The following NKX6-2 variants were observed in gnomAD, a reference collection of about 807,000 sequenced individuals.
The protein encoded by NKX6-2 is NK6 homeobox 2, also known as homeobox protein Nkx-6.2.
NKX6-2 carries 22 observed loss-of-function variants against 19.9 expected under a neutral mutation model. The ratio of observed to expected loss-of-function variants is 1.10; its 90% CI spans 0.79 to 1.58. NKX6-2 has a LOEUF of 1.58. Among genes scored for constraint, NKX6-2 ranks in the 40% most tolerant of loss-of-function variants. NKX6-2 has a pLI of 0.00. For missense variants in NKX6-2, 475 were observed against 410.6 expected, an observed-to-expected ratio of 1.16 and a Z score of -1.35; for synonymous variants, 257 against 204.0, an observed-to-expected ratio of 1.26 and a Z score of -2.21.
Position 132,784,397 on chromosome 10 carries a change from C to T in NKX6-2, c.*519G>A, listed in dbSNP as rs1365070787. ...AATCAGAGCGAAGCCCTCGGCCAAG[C>T]GGGAACGGGTGCCCGGTGGCAACGA... On this transcript the variant is annotated 3_prime_UTR_variant, in exon 3 of 3. Transcript: ENST00000368592. 1.3e-5 allele frequency: 2 copies of T among 153,762 alleles called. No individual in the cohort carries two copies. The highest frequency in any genetic ancestry group is 2.4e-5 in the African/African-American group (1 of 41,512). The allele number at this position is 153,762 out of a possible 1,614,324, so 9.5% of individuals were successfully genotyped here.
In NKX6-2 at chr10:132,785,839, G is replaced by A; in HGVS notation, c.110C>T (p.Pro37Leu). ...TSLFPYALQG[P>L]AGFKAPALGG... ...CAGCGCGGGCGCCTTGAAGCCGGCC[G>A]GACCCTGCAGCGCGTAGGGGAACAG... is the stretch of plus-strand genomic sequence containing the variant. Residue 37 changes from proline to leucine, a missense_variant, in exon 1 of 3, where the codon CCG (proline) becomes CTG (leucine). Coordinates refer to ENST00000368592, the MANE Select transcript of NKX6-2 (RefSeq NM_177400.3). The surrounding 1 kb of genome is among the most constrained non-coding windows in gnomAD (Gnocchi z 5.5). The A allele has an allele frequency of 3.6e-6, 5 of 1,382,864 alleles. No individual in the cohort carries two copies. Among genetic ancestry groups the A allele is most frequent in the Admixed American group, 2.7e-5 (1 of 36,736 alleles). The allele number at this position is 1,382,864 out of a possible 1,614,324, so 85.7% of individuals were successfully genotyped here.
At position 132,784,961 on chromosome 10, in the gene NKX6-2, C is replaced by A; in HGVS notation, c.789G>T (p.Leu263Phe). 3.7e-6 allele frequency: 6 copies of A among 1,612,808 alleles called. No individual in the cohort carries two copies. In the South Asian group the frequency reaches 6.6e-5, roughly 18 times the overall value. The change falls in exon 3 of 3, where the codon TTG becomes TTT. Residue 263 changes from leucine (L) to phenylalanine (F), a missense_variant. Transcript: ENST00000368592. ...RLLKKHKPSN[L>F]ALVSPCGGGA... ...CGCCGCCGCACGGGCTGACCAGCGC[C>A]AAGTTCGAGGGTTTGTGCTTCTTGA...
rs935102305 is a variant in NKX6-2, at chr10:132,784,546, G to A, written c.*370C>T. The A allele has an allele frequency of 2.8e-4, 53 of 188,612 alleles. No homozygotes were observed. The highest frequency in any genetic ancestry group is 4.9e-4 in the African/African-American group (21 of 42,842). 11.7% of individuals were successfully genotyped at this position (188,612 alleles called of 1,614,324 possible). A position where few individuals can be genotyped will look rare whatever the true frequency, so the allele number is the denominator to read the frequency against. On this transcript the variant is annotated 3_prime_UTR_variant, in exon 3 of 3. Coordinates refer to ENST00000368592, the MANE Select transcript of NKX6-2 (RefSeq NM_177400.3). ...GCGTCCGAATCCGCCCCGAGGCGAG[G>A]CGGGCCGGGCCGTACCTGCTGCTCC...
In NKX6-2 at chr10:132,784,709, C is replaced by A. The variant is rs1365079443; in HGVS notation, c.*207G>T. On this transcript the variant is annotated 3_prime_UTR_variant, in exon 3 of 3. Coordinates refer to ENST00000368592, the MANE Select transcript of NKX6-2 (RefSeq NM_177400.3). ...CTCCGCACCGGGAACCCGGAGGACC[C>A]GAGGCGGGCGCAGGGGCGAAGCCGG... 2 of 551,952 alleles carry A rather than the reference C, an allele frequency of 3.6e-6. No individual in the cohort carries two copies. The highest frequency in any genetic ancestry group is 6.3e-6 in the Non-Finnish European group (2 of 319,726). The allele number at this position is 551,952 out of a possible 1,614,324, so 34.2% of individuals were successfully genotyped here.
chr10:132,785,539 T>G lies in NKX6-2; in HGVS notation c.406+4A>C. On this transcript the variant is annotated splice_donor_region_variant and intron_variant, in intron 1 of 2. Coordinates refer to ENST00000368592, the MANE Select transcript of NKX6-2 (RefSeq NM_177400.3). The surrounding 1 kb of genome is among the most constrained non-coding windows in gnomAD (Gnocchi z 5.5). ...GCCCCGCACCCCCCGCGCGGGCCAC[T>G]CACCCGGGCCAGCCAGACGCGGGTC... 1 of 1,352,908 alleles carries G rather than the reference T, an allele frequency of 7.4e-7. No individual in the cohort carries two copies. The highest frequency in any genetic ancestry group is 9.5e-7 in the Non-Finnish European group (1 of 1,056,252). 83.8% of individuals were successfully genotyped at this position (1,352,908 alleles called of 1,614,324 possible). A position where few individuals can be genotyped will look rare whatever the true frequency, so the allele number is the denominator to read the frequency against.
At position 132,783,903 on chromosome 10, in the gene NKX6-2, C is replaced by T. The variant is rs184749512; in HGVS notation, c.*1013G>A. ...TTTCCCTTTAACGCTTCCGCAAATG[C>T]CAAGAGAAATCGTACCACCGCAGTG... On this transcript the variant is annotated 3_prime_UTR_variant, in exon 3 of 3. Transcript: ENST00000368592. 6.6e-6 allele frequency: 1 copy of T among 152,360 alleles called. No homozygotes were observed. The highest frequency in any genetic ancestry group is 1.5e-5 in the Non-Finnish European group (1 of 68,036). The allele number at this position is 152,360 out of a possible 1,614,324, so 9.4% of individuals were successfully genotyped here. A position where few individuals can be genotyped will look rare whatever the true frequency, so the allele number is the denominator to read the frequency against.
Position 132,785,771 on chromosome 10 carries a change from T to A in NKX6-2, c.178A>T (p.Ile60Phe). Residue 60 changes from isoleucine (I) to phenylalanine (F), a missense_variant, in exon 1 of 3, where the codon ATC becomes TTC. Physicochemically the swap from Ile to Phe is conservative, Grantham distance 21 (BLOSUM62 0). Coordinates refer to ENST00000368592, the MANE Select transcript of NKX6-2 (RefSeq NM_177400.3). The surrounding 1 kb of genome is among the most constrained non-coding windows in gnomAD (Gnocchi z 5.5). ...ACGGGCCGGCCCAGGATGTCGCTGA[T>A]GCCGTGCGGGGTCCCGAGCGGGAGC... The part of the protein sequence containing the change: ...AQLPLGTPHG[I>F]SDILGRPVGA... The A allele has an allele frequency of 7.7e-7, 1 of 1,295,314 alleles. No homozygotes were observed. Among genetic ancestry groups the A allele is most frequent in the Non-Finnish European group, 9.8e-7 (1 of 1,022,516 alleles). 80.2% of individuals were successfully genotyped at this position (1,295,314 alleles called of 1,614,324 possible). A position where few individuals can be genotyped will look rare whatever the true frequency, so the allele number is the denominator to read the frequency against.
rs769936637 is a variant in NKX6-2, at chr10:132,785,893, A to G, written c.56T>C (p.Leu19Pro). Residue 19 changes from leucine to proline, a missense_variant, in exon 1 of 3, where the codon CTG (leucine) becomes CCG (proline). Physicochemically the swap from Leu to Pro is moderately conservative, Grantham distance 98 (BLOSUM62 -3). Transcript: ENST00000368592. The surrounding 1 kb of genome is among the most constrained non-coding windows in gnomAD (Gnocchi z 5.5). ...FVLSSAPLAA[L>P]HNMAEMKTSL... is the part of the protein sequence containing the mutation. ...CGTCTTCATCTCGGCCATGTTGTGC[A>G]GCGCGGCCAGCGGGGCACTGCTCAG... 3 of 1,386,540 alleles carry G rather than the reference A, an allele frequency of 2.2e-6. No homozygotes were observed. The South Asian group carries it at 4.2e-5, about 20-fold the overall frequency. 85.9% of individuals were successfully genotyped at this position (1,386,540 alleles called of 1,614,324 possible). A position where few individuals can be genotyped will look rare whatever the true frequency, so the allele number is the denominator to read the frequency against.
rs908994251 is a variant in NKX6-2, at chr10:132,785,616, C to T, written c.333G>A (p.Pro111=). Reference sequence around the variant, plus strand: ...CGGGCCAGAAGATGGGCGGGCGCCCCGGCAGCTCGGCCAGGGGCTTGGGGT... The same window carrying T: ...CGGGCCAGAAGATGGGCGGGCGCCCTGGCAGCTCGGCCAGGGGCTTGGGGT... The part of the protein sequence containing the change: ...RGYPKPLAEL[P]GRPPIFWPGV... Residue 111 remains proline (P), a synonymous_variant, in exon 1 of 3, where the codon CCG becomes CCA. Coordinates refer to ENST00000368592, the MANE Select transcript of NKX6-2 (RefSeq NM_177400.3). This position sits in a 1 kb window ranked among gnomAD's most constrained non-coding sequence, Gnocchi z 5.5. 1.8e-5 allele frequency: 22 copies of T among 1,243,850 alleles called. No homozygotes were observed. The highest frequency in any genetic ancestry group is 2.0e-5 in the Non-Finnish European group (20 of 997,592). 77.1% of individuals were successfully genotyped at this position (1,243,850 alleles called of 1,614,324 possible).
Position 132,785,385 on chromosome 10 carries a change from C to T in NKX6-2, c.474G>A (p.Gln158=). ...KKHSRPTFSG[Q]QIFALEKTFE... is the part of the protein sequence containing the mutation. ...AGGTTTTCTCCAGCGCGAAGATCTG[C>T]TGGCCCGAGAAGGTCGGGCGCGAGT... The change falls in exon 2 of 3, where the codon CAG becomes CAA. Residue 158 remains glutamine, a synonymous_variant. Coordinates refer to ENST00000368592, the MANE Select transcript of NKX6-2 (RefSeq NM_177400.3). The surrounding 1 kb of genome is among the most constrained non-coding windows in gnomAD (Gnocchi z 5.5). 1 of 1,604,744 alleles carries T rather than the reference C, an allele frequency of 6.2e-7. No homozygotes were observed. Among genetic ancestry groups the T allele is most frequent in the South Asian group, 1.1e-5 (1 of 90,040 alleles).
rs1283426514 is a variant in NKX6-2, at chr10:132,784,055, C to G, written c.*861G>C. 1.3e-5 allele frequency: 2 copies of G among 152,292 alleles called. No homozygotes were observed. Among genetic ancestry groups the G allele is most frequent in the Admixed American group, 6.5e-5 (1 of 15,294 alleles). 9.4% of individuals were successfully genotyped at this position (152,292 alleles called of 1,614,324 possible). A position where few individuals can be genotyped will look rare whatever the true frequency, so the allele number is the denominator to read the frequency against. Reference sequence around the variant, plus strand: ...GGAGGGGTTTTGTCAGCCGCAGTCACAGCCCCGCGGAGCTGGCGGCATTTC... The same window carrying G: ...GGAGGGGTTTTGTCAGCCGCAGTCAGAGCCCCGCGGAGCTGGCGGCATTTC... On this transcript the variant is annotated 3_prime_UTR_variant, in exon 3 of 3. Coordinates refer to ENST00000368592, the MANE Select transcript of NKX6-2 (RefSeq NM_177400.3).
rs1847224491 is a variant in NKX6-2 at position 132,784,537 on chromosome 10, C to T, written c.*379G>A. 1.6e-5 allele frequency: 3 copies of T among 183,138 alleles called. No individual in the cohort carries two copies. In the East Asian group the frequency reaches 4.4e-4, roughly 27 times the overall value. The allele number at this position is 183,138 out of a possible 1,614,324, so 11.3% of individuals were successfully genotyped here. ...CCCCCAAGCGCGTCCGAATCCGCCC[C>T]GAGGCGAGGCGGGCCGGGCCGTACC... On this transcript the variant is annotated 3_prime_UTR_variant, in exon 3 of 3. Coordinates refer to ENST00000368592, the MANE Select transcript of NKX6-2 (RefSeq NM_177400.3).
At position 132,785,093 on chromosome 10, in the gene NKX6-2, G is replaced by A. The variant is rs142771323; in HGVS notation, c.657C>T (p.Asp219=). 6.2e-7 allele frequency: 1 copy of A among 1,610,774 alleles called. No individual in the cohort carries two copies. Among genetic ancestry groups the A allele is most frequent in the African/African-American group, 1.3e-5 (1 of 74,896 alleles). ...VEMASAKKKQ[D]SDAEKLKVGG... ...CCACCTTCAGCTTCTCGGCGTCCGA[G>A]TCCTGCTTCTTCTTGGCCGACGCCA... Residue 219 remains aspartate (D), a synonymous_variant, in exon 3 of 3, where the codon GAC becomes GAT. Coordinates refer to ENST00000368592, the MANE Select transcript of NKX6-2 (RefSeq NM_177400.3). The surrounding 1 kb of genome is among the most constrained non-coding windows in gnomAD (Gnocchi z 5.5).
chr10:132,784,655 C>T lies in NKX6-2; in HGVS notation c.*261G>A, dbSNP rs1041636337. 1 of 454,310 alleles carries T rather than the reference C, an allele frequency of 2.2e-6. No individual in the cohort carries two copies. The highest frequency in any genetic ancestry group is 2.1e-5 in the African/African-American group (1 of 47,702). The allele number at this position is 454,310 out of a possible 1,614,324, so 28.1% of individuals were successfully genotyped here. ...GGGCCCCTTCCCTGCGCCTTCGCCG[C>T]CTCCTCGCGCCTGCCCGGGGCCCGC... On this transcript the variant is annotated 3_prime_UTR_variant, in exon 3 of 3. Transcript: ENST00000368592.
rs376793942 is a variant in NKX6-2 at position 132,785,332 on chromosome 10, G to A, written c.527C>T (p.Pro176Leu). 3.1e-6 allele frequency: 5 copies of A among 1,606,728 alleles called. No individual in the cohort carries two copies. Among genetic ancestry groups the A allele is most frequent in the East Asian group, 4.5e-5 (2 of 44,148 alleles). ...CGAGTAGGCGAGACGCGCGCGCTCC[G>A]GGCCCGCCAGGTACTTGGTCTGCTC... ...TFEQTKYLAG[P>L]ERARLAYSLG... is the part of the protein sequence containing the mutation. Residue 176 changes from proline (P) to leucine (L), a missense_variant, in exon 2 of 3, where the codon CCG becomes CTG. Physicochemically the swap from Pro to Leu is moderately conservative, Grantham distance 98. Transcript: ENST00000368592. This position sits in a 1 kb window ranked among gnomAD's most constrained non-coding sequence, Gnocchi z 5.5.
At position 132,784,035 on chromosome 10, in the gene NKX6-2, G is replaced by A. The variant is rs376583503; in HGVS notation, c.*881C>T. ...CACAGAGGCTGCGGGAGGCTGGAGG[G>A]GTTTTGTCAGCCGCAGTCACAGCCC... On this transcript the variant is annotated 3_prime_UTR_variant, in exon 3 of 3. Transcript: ENST00000368592. 3.9e-5 allele frequency: 6 copies of A among 152,266 alleles called. No individual in the cohort carries two copies. Among genetic ancestry groups the A allele is most frequent in the Non-Finnish European group, 8.8e-5 (6 of 68,034 alleles). The allele number at this position is 152,266 out of a possible 1,614,324, so 9.4% of individuals were successfully genotyped here.
In NKX6-2 at chr10:132,784,789, A is replaced by C; in HGVS notation, c.*127T>G. On this transcript the variant is annotated 3_prime_UTR_variant, in exon 3 of 3. Coordinates refer to ENST00000368592, the MANE Select transcript of NKX6-2 (RefSeq NM_177400.3). ...TCGAGACGGAAGAAACACGCGGCGC[A>C]GGCTCCGGAGCGACGGCTCCGACGG... The C allele has an allele frequency of 1.4e-6, 1 of 718,784 alleles. No homozygotes were observed. Among genetic ancestry groups the C allele is most frequent in the Non-Finnish European group, 2.3e-6 (1 of 443,376 alleles). The allele number at this position is 718,784 out of a possible 1,614,324, so 44.5% of individuals were successfully genotyped here. A position where few individuals can be genotyped will look rare whatever the true frequency, so the allele number is the denominator to read the frequency against.
Position 132,785,904 on chromosome 10 carries a change from C to T in NKX6-2, c.45G>A (p.Pro15=). Residue 15 remains proline (P), a synonymous_variant, in exon 1 of 3, where the codon CCG becomes CCA. Coordinates refer to ENST00000368592, the MANE Select transcript of NKX6-2 (RefSeq NM_177400.3). The surrounding 1 kb of genome is among the most constrained non-coding windows in gnomAD (Gnocchi z 5.5). The part of the protein sequence containing the change: ...RPGAFVLSSA[P]LAALHNMAEM... ...CGGCCATGTTGTGCAGCGCGGCCAG[C>T]GGGGCACTGCTCAGCACGAACGCGC... 3 of 1,373,176 alleles carry T rather than the reference C, an allele frequency of 2.2e-6. No individual in the cohort carries two copies. Among genetic ancestry groups the T allele is most frequent in the Admixed American group, 2.3e-5 (1 of 44,318 alleles). 85.1% of individuals were successfully genotyped at this position (1,373,176 alleles called of 1,614,324 possible).
chr10:132,784,747 G>T lies in NKX6-2; in HGVS notation c.*169C>A. 1.6e-6 allele frequency: 1 copy of T among 618,110 alleles called. No individual in the cohort carries two copies. Among genetic ancestry groups the T allele is most frequent in the Non-Finnish European group, 2.8e-6 (1 of 363,534 alleles). 38.3% of individuals were successfully genotyped at this position (618,110 alleles called of 1,614,324 possible). On this transcript the variant is annotated 3_prime_UTR_variant, in exon 3 of 3. Coordinates refer to ENST00000368592, the MANE Select transcript of NKX6-2 (RefSeq NM_177400.3). ...GGGGCGAAGCCGGGGCCGGGGAGGG[G>T]CCGCCTCGCTCCGGGTTCGAGACGG...
Sources: gnomAD v4.1 joint callset for allele counts on GRCh38, gnomAD v4.1.1 for gene constraint, Gnocchi (gnomAD v3.1) non-coding constraint, MANE v1.5 for transcripts, NCBI Gene and HGNC (gene_info 2026-07-23, HGNC 2026-07-21) for gene names.